MACF1: variants seen among roughly 807,000 people sequenced by gnomAD.
The protein encoded by MACF1 is microtubule-actin cross-linking factor 1.
Under a neutral mutation model 854.8 loss-of-function variants are expected in MACF1, and 193 were observed. The observed-to-expected ratio is 0.23, with a 90% CI of 0.20 to 0.25. MACF1 has a LOEUF of 0.25. Ranked by LOEUF, MACF1 falls within the 10% of genes least tolerant of loss-of-function variation. The pLI is 1.00. For synonymous variants in MACF1, 3,185 were observed against 3,226.7 expected (o/e 0.99, Z 0.44); for missense variants, 7,722 against 8,929.1 (o/e 0.86, Z 5.45).
At position 39,340,601 on chromosome 1, in the gene MACF1, C is replaced by A; in HGVS notation, c.10315C>A (p.Gln3439Lys). Residue 3439 changes from glutamine (Q) to lysine (K), a missense_variant, in exon 39 of 101, where the codon CAA (glutamine) becomes AAA (lysine). Gln to Lys is a moderately conservative substitution (Grantham distance 53). Coordinates refer to ENST00000564288, the MANE Select transcript of MACF1 (RefSeq NM_001394062.1). Reference protein sequence around the residue: ...IISQPQEVPAQLLKALEKDAK... With the variant: ...IISQPQEVPAKLLKALEKDAK... ...CAGCCAGCCTCAAGAAGTTCCTGCTCAACTGTTGAAGGCTCTAGAGAAAGA... is the reference window on the plus strand; with the variant it reads ...CAGCCAGCCTCAAGAAGTTCCTGCTAAACTGTTGAAGGCTCTAGAGAAAGA... 6.2e-7 allele frequency: 1 copy of A among 1,614,120 alleles called. No homozygotes were observed. The highest frequency in any genetic ancestry group is 1.1e-5 in the South Asian group (1 of 91,068).
At position 39,310,592 on chromosome 1, in the gene MACF1, C is replaced by T. The variant is rs569665119; in HGVS notation, c.3100+164C>T. ...GAACTTATAGATGAATTCTCAAAAT[C>T]AGATCATGGAAGAAGTCTGTTGATA... On this transcript the variant is annotated intron_variant, in intron 25 of 100. Transcript: ENST00000564288. Among the ~76,000 whole-genome samples the T allele has an allele frequency of 1.8e-4, 28 of 152,308 alleles. No homozygotes were observed. In the South Asian group the frequency reaches 5.8e-3, roughly 32 times the overall value.
Position 39,331,201 on chromosome 1 carries a change from A to C in MACF1, c.4615-2A>C. 1 of 813,898 alleles carries C rather than the reference A, an allele frequency of 1.2e-6. No individual in the cohort carries two copies. Among genetic ancestry groups the C allele is most frequent in the Non-Finnish European group, 1.6e-6 (1 of 627,640 alleles). 50.4% of individuals were successfully genotyped at this position (813,898 alleles called of 1,614,324 possible). ...TTTTTTTTTTTTTTTTTTTTTTTTT[A>C]GGAATGCAGAGCAGTTGCTGGGGTG... On this transcript the variant is annotated splice_acceptor_variant, in intron 36 of 100. Coordinates refer to ENST00000564288, the MANE Select transcript of MACF1 (RefSeq NM_001394062.1). LOFTEE classifies it high-confidence loss of function.
chr1:39,393,863 G>GAA (rs1642159151), intron 58 of MACF1, among the ~76,000 whole-genome samples: 2 of 144,132 alleles, frequency 1.4e-5, no homozygotes, highest in African/African-American at 5.6e-5. Context: ...GAGAGAGAGA[G>GAA]AGAAAGAAAG....
At chr1:39,259,343 C>A (rs960616661) in intron 6 of MACF1, among the ~76,000 whole-genome samples, 1 of 152,096 alleles carries the variant, frequency 6.6e-6, no homozygotes, top group African/African-American at 2.4e-5. Context: ...CTCACTGCAA[C>A]CTCCGCCTCC....
rs1645075060 is a variant in MACF1 at position 39,254,386 on chromosome 1, C to T, written c.435+11C>T. On this transcript the variant is annotated intron_variant, in intron 5 of 100. Transcript: ENST00000564288. ...CTAAAGCAGCGACAGGTAAGACCAT[C>T]ACATGCCTTCCCCATTCTTCCAGGC... 2 of 1,612,834 alleles carry T rather than the reference C, an allele frequency of 1.2e-6. No individual in the cohort carries two copies. Among genetic ancestry groups the T allele is most frequent in the Admixed American group, 1.7e-5 (1 of 60,024 alleles).
Position 39,285,168 on chromosome 1 carries a change from A to G in MACF1, c.1217A>G (p.Glu406Gly). The change falls in exon 12 of 101, where the codon GAG becomes GGG. Residue 406 changes from glutamate (E) to glycine (G), a missense_variant. Around this residue, in one of 15 missense-constraint regions of MACF1, gnomAD observed 1,137 missense variants for 1,263.0 expected, o/e 0.90. Transcript: ENST00000564288. ...GAAGAGTGGGGAAAGCTCATCATAG[A>G]GATGCTGGAACGAGAGAAATCACTT... ...VEEEWGKLII[E>G]MLEREKSLRP... 6.2e-7 allele frequency: 1 copy of G among 1,614,206 alleles called. No individual in the cohort carries two copies. The highest frequency in any genetic ancestry group is 8.5e-7 in the Non-Finnish European group (1 of 1,180,036).
intron 2 of MACF1, among the ~76,000 whole-genome samples, chr1:39,100,811 G>A (rs1041126893): frequency 6.6e-6 from 1 of 151,634 alleles, no homozygotes; most frequent in African/African-American, 2.4e-5. Flanking sequence ...CCCAGACTGC[G>A]CCATTGCACT....
At chr1:39,297,785 G>C in intron 21 of MACF1, 40 bp downstream of exon 21, 1 of 1,610,548 alleles carries the variant, frequency 6.2e-7, no homozygotes, top group Non-Finnish European at 8.5e-7. Context: ...TTCTGAGAAA[G>C]AGAGTAAACC....
Position 39,374,750 on chromosome 1 carries a change from T to A in MACF1, c.13213+2154T>A, listed in dbSNP as rs12064388. On this transcript the variant is annotated intron_variant, in intron 52 of 100. Coordinates refer to ENST00000564288, the MANE Select transcript of MACF1 (RefSeq NM_001394062.1). ...TGACTCCTAGACTAGATCATTTTTT[T>A]AAAAAAAAACCAGAAATCTCATATA... 5.1e-3 allele frequency among the ~76,000 whole-genome samples: 770 copies of A among 151,612 alleles called. 4 individuals carry two copies. Among genetic ancestry groups the A allele is most frequent in the Admixed American group, 6.2e-3 (94 of 15,206 alleles).
intron 2 of MACF1, among the ~76,000 whole-genome samples, chr1:39,182,698 AAAG>A (rs1177707639): frequency 6.6e-6 from 1 of 152,202 alleles, no homozygotes; most frequent in East Asian, 1.9e-4. Context: ...CTTTAATAAA[AAAG>A]AGAGTGAGGA....
Position 39,335,429 on chromosome 1 carries a change from A to G in MACF1, c.8841A>G (p.Gln2947=). Reference sequence around the variant, plus strand: ...AAGGGGAAGTGATTTTGGAAGTACAAGAAACATATTGTGAAACGTCAGGCA... The same window carrying G: ...AAGGGGAAGTGATTTTGGAAGTACAGGAAACATATTGTGAAACGTCAGGCA... The part of the protein sequence containing the change: ...ENQGEVILEV[Q]ETYCETSGKL... The change falls in exon 37 of 101, where the codon CAA becomes CAG. Residue 2947 remains glutamine, a synonymous_variant. Transcript: ENST00000564288. 1 of 1,614,220 alleles carries G rather than the reference A, an allele frequency of 6.2e-7. No individual in the cohort carries two copies. The highest frequency in any genetic ancestry group is 8.5e-7 in the Non-Finnish European group (1 of 1,180,038).
intron 31 of MACF1, 43 bp downstream of exon 31, chr1:39,319,790 C>A: frequency 2.2e-6 from 3 of 1,394,650 alleles, no homozygotes; most frequent in Non-Finnish European, 3.0e-6. Context: ...TCATCACCAG[C>A]TCAGGAAAAC....
intron 58 of MACF1, chr1:39,411,941 A>T: frequency 6.2e-7 from 1 of 1,613,902 alleles, no homozygotes. Context: ...GCCCACGTTG[A>T]TATCATGAGA....
Position 39,282,293 on chromosome 1 carries a change from G to A in MACF1, c.614G>A (p.Gly205Asp). The change falls in exon 7 of 101, where the codon GGT (glycine) becomes GAT (aspartate). Residue 205 changes from glycine to aspartate, a missense_variant. Around this residue, in one of 15 missense-constraint regions of MACF1, gnomAD observed 108 missense variants for 196.4 expected, o/e 0.55. Coordinates refer to ENST00000564288, the MANE Select transcript of MACF1 (RefSeq NM_001394062.1). ...LLLWTQKVTAGYTGIKCTNFS... is the reference protein window; with the variant it reads ...LLLWTQKVTADYTGIKCTNFS... ...CTGTGGACCCAGAAGGTGACAGCTG[G>A]TTACACAGGAATCAAATGCACCAAC... 1 of 1,614,144 alleles carries A rather than the reference G, an allele frequency of 6.2e-7. No homozygotes were observed. Among genetic ancestry groups the A allele is most frequent in the Non-Finnish European group, 8.5e-7 (1 of 1,179,994 alleles).
intron 1 of MACF1, among the ~76,000 whole-genome samples, chr1:39,222,136 T>A (rs938414580): frequency 7.9e-5 from 12 of 151,840 alleles, no homozygotes; most frequent in East Asian, 1.9e-4. Flanking sequence ...AAAAAAAAAA[T>A]TTCTTTTTGA....
intron 50 of MACF1, 128 bp downstream of exon 50, chr1:39,368,442 G>A: frequency 1.1e-6 from 1 of 949,388 alleles, no homozygotes; most frequent in Non-Finnish European, 1.5e-6. Flanking sequence ...TGAGTTGTAG[G>A]AGGGTGAAAA....
rs1259985812 is a variant in MACF1 at position 39,428,354 on chromosome 1, CTTCAT to C, written c.16803+70_16803+74del. ...TTTTGTTATTTTGATTCATGTTTCTCTTCATTTATTTTTTTTTCTTCATTACAAAC... is the reference window on the plus strand; with the variant it reads ...TTTTGTTATTTTGATTCATGTTTCTCTTATTTTTTTTTCTTCATTACAAAC... On this transcript the variant is annotated intron_variant, in intron 63 of 100. Transcript: ENST00000564288. 9 of 1,409,480 alleles carry C rather than the reference CTTCAT, an allele frequency of 6.4e-6. No individual in the cohort carries two copies. The East Asian group carries it at 2.2e-4, about 35-fold the overall frequency. The allele number at this position is 1,409,480 out of a possible 1,614,324, so 87.3% of individuals were successfully genotyped here.
At chr1:39,434,700 T>G in intron 69 of MACF1, 68 bp downstream of exon 69, 1 of 1,398,218 alleles carries the variant, frequency 7.2e-7, no homozygotes, top group African/African-American at 1.4e-5. Flanking sequence ...AAAAACAACA[T>G]TTGTTAGTGT....
At chr1:39,426,778 T>G (rs528032435) in intron 61 of MACF1, among the ~76,000 whole-genome samples, 269 of 151,450 alleles carry the variant, frequency 1.8e-3, no homozygotes, top group Non-Finnish European at 2.7e-3. Flanking sequence ...GGTTTTTTTT[T>G]GGGGGGGGTG....
Sources: gnomAD v4.1 joint callset for allele counts (sites outside exome capture counted in the v4.1 genomes callset) on GRCh38, gnomAD v4.1.1 for gene constraint, gnomAD v4.1.1 regional missense constraint, MANE v1.5 for transcripts, NCBI Gene and HGNC (gene_info 2026-07-23, HGNC 2026-07-21) for gene names.